PLCB4: variants seen among roughly 807,000 people sequenced by gnomAD.
PLCB4 encodes phospholipase C beta 4.
A neutral mutation model predicts 178.8 loss-of-function variants in PLCB4; 77 were observed. That is an observed-to-expected ratio of 0.43 (90% CI 0.36 to 0.52). The LOEUF is 0.52. Among genes scored for constraint, PLCB4 ranks in the 20% least tolerant of loss-of-function variants. The pLI is 0.00. For missense variants in PLCB4, 1,024 were observed against 1,453.4 expected (o/e 0.70, Z 4.80); for synonymous variants, 496 against 490.8 (o/e 1.01, Z -0.14).
intron 7 of PLCB4, among the ~76,000 whole-genome samples, chr20:9,342,583 G>A (rs1461699873): frequency 6.6e-6 from 1 of 151,568 alleles, no homozygotes; most frequent in Non-Finnish European, 1.5e-5. Flanking sequence ...TTCTATTGTT[G>A]ACTAATCTTT....
intron 25 of PLCB4, among the ~76,000 whole-genome samples, chr20:9,419,261 C>T (rs949548804): frequency 2.0e-5 from 3 of 152,090 alleles, no homozygotes; most frequent in Non-Finnish European, 4.4e-5. Context: ...ATGTAGACAA[C>T]AATCCACAGT....
chr20:9,098,944 C>T (rs1035498431), intron 2 of PLCB4, among the ~76,000 whole-genome samples: 3 of 150,436 alleles, frequency 2.0e-5, no homozygotes, highest in South Asian at 2.1e-4. Flanking sequence ...TGTATATATA[C>T]GTATATATAT....
intron 7 of PLCB4, among the ~76,000 whole-genome samples, chr20:9,350,199 C>T (rs2034205644): frequency 1.3e-5 from 2 of 151,882 alleles, no homozygotes; most frequent in South Asian, 4.2e-4. Flanking sequence ...CTATGTGTGC[C>T]CCTGAAGCCT....
At chr20:9,175,366 C>T (rs1350630014) in intron 2 of PLCB4, among the ~76,000 whole-genome samples, 1 of 152,130 alleles carries the variant, frequency 6.6e-6, no homozygotes, top group Non-Finnish European at 1.5e-5. Flanking sequence ...ATGTCATTTC[C>T]AATAAACTAC....
chr20:9,406,806 T>G (rs958802364), intron 21 of PLCB4, among the ~76,000 whole-genome samples: 7 of 152,200 alleles, frequency 4.6e-5, no homozygotes, highest in Admixed American at 3.9e-4. Context: ...CTGACCATTT[T>G]TTAACTCATG....
chr20:9,224,074 G>A (rs1450046000), intron 3 of PLCB4, among the ~76,000 whole-genome samples: 2 of 152,292 alleles, frequency 1.3e-5, no homozygotes, highest in African/African-American at 2.4e-5. Context: ...GCAAAATGGC[G>A]TCTGCCCAGT....
chr20:9,408,087 T>C, intron 22 of PLCB4, 29 bp downstream of exon 22: 1 of 1,572,238 alleles, frequency 6.4e-7, no homozygotes, highest in Non-Finnish European at 8.6e-7. Context: ...TGCAGTCGCC[T>C]TTTTTGCTTG....
intron 3 of PLCB4, among the ~76,000 whole-genome samples, chr20:9,273,675 A>T (rs1232715986): frequency 7.4e-6 from 1 of 135,852 alleles, no homozygotes; most frequent in Non-Finnish European, 1.6e-5. Context: ...TTATGGTTGC[A>T]GTGTGTGTGT....
intron 7 of PLCB4, among the ~76,000 whole-genome samples, chr20:9,348,195 G>A (rs1015598449): frequency 2.0e-5 from 3 of 152,090 alleles, no homozygotes; most frequent in African/African-American, 7.2e-5. Flanking sequence ...AGTCATTCTG[G>A]GTACTTCCTG....
intron 7 of PLCB4, among the ~76,000 whole-genome samples, chr20:9,346,694 C>G (rs960580231): frequency 6.6e-6 from 1 of 152,152 alleles, no homozygotes; most frequent in East Asian, 1.9e-4. Flanking sequence ...ATTAAGCTGT[C>G]CGGAGTGCAG....
intron 14 of PLCB4, among the ~76,000 whole-genome samples, chr20:9,384,960 C>T (rs1038421067): frequency 6.6e-5 from 10 of 152,108 alleles, no homozygotes; most frequent in East Asian, 3.9e-4. Context: ...CTGCCGCCTT[C>T]GGCAGTGTTT....
chr20:9,188,698 T>C (rs1181859611), intron 2 of PLCB4, among the ~76,000 whole-genome samples: 7 of 137,096 alleles, frequency 5.1e-5, no homozygotes, highest in East Asian at 2.2e-4. Context: ...TAAGTGTTCA[T>C]TGTGGAGGGC....
chr20:9,133,109 A>G (rs562569350), intron 2 of PLCB4, among the ~76,000 whole-genome samples: 2 of 152,258 alleles, frequency 1.3e-5, no homozygotes, highest in Non-Finnish European at 2.9e-5. Flanking sequence ...CCTTTGGCTC[A>G]TACTTGTCAT....
At position 9,185,921 on chromosome 20, in the gene PLCB4, C is replaced by T. The variant is rs570949043; in HGVS notation, c.-78-31469C>T. On this transcript the variant is annotated intron_variant, in intron 2 of 39. Coordinates refer to ENST00000378473, the MANE Select transcript of PLCB4 (RefSeq NM_001377142.1). ...TTCTTATTAACATTAACCCCTACTC[C>T]GTTCTCTATTTTTGCTTTTTCCACA... Among the ~76,000 whole-genome samples, 7 of 152,252 alleles carry T rather than the reference C, an allele frequency of 4.6e-5. No individual in the cohort carries two copies. The South Asian group carries it at 1.0e-3, about 23-fold the overall frequency.
chr20:9,376,516 A>G (rs1172203985), intron 12 of PLCB4, among the ~76,000 whole-genome samples: 3 of 152,170 alleles, frequency 2.0e-5, no homozygotes, highest in Non-Finnish European at 4.4e-5. Flanking sequence ...TTCTTTGCCT[A>G]TAATATGAAA....
At chr20:9,363,406 A>G (rs975711029) in intron 8 of PLCB4, among the ~76,000 whole-genome samples, 9 of 152,218 alleles carry the variant, frequency 5.9e-5, no homozygotes, top group African/African-American at 2.2e-4. Context: ...CTGAAAAAGA[A>G]GCCTCAGCCC....
intron 2 of PLCB4, among the ~76,000 whole-genome samples, chr20:9,127,901 C>A (rs1466319151): frequency 6.6e-6 from 1 of 152,022 alleles, no homozygotes; most frequent in Non-Finnish European, 1.5e-5. Context: ...TGGCCAGACT[C>A]GTCTTGAACT....
intron 3 of PLCB4, among the ~76,000 whole-genome samples, chr20:9,217,720 T>C (rs978873546): frequency 6.6e-6 from 1 of 152,208 alleles, no homozygotes; most frequent in Admixed American, 6.5e-5. Context: ...GTTGCCCGCA[T>C]TTAGTAAGCA....
At chr20:9,114,259 C>T (rs895429072) in intron 2 of PLCB4, among the ~76,000 whole-genome samples, 9 of 151,946 alleles carry the variant, frequency 5.9e-5, no homozygotes, top group Non-Finnish European at 7.4e-5. Context: ...ACATTTCTAA[C>T]GAGATAATTT....
Sources: allele counts gnomAD v4.1 joint callset (sites outside exome capture counted in the v4.1 genomes callset), GRCh38; gene constraint gnomAD v4.1.1; transcripts MANE v1.5; gene names NCBI Gene and HGNC (gene_info 2026-07-23, HGNC 2026-07-21).